The following PRKG1 variants were observed in gnomAD, a reference collection of about 807,000 sequenced individuals.
PRKG1 encodes protein kinase cGMP-dependent 1, also known as cGMP-dependent protein kinase 1.
In PRKG1, 35 loss-of-function variants were observed where a neutral mutation model predicts 88.1. The ratio of observed to expected loss-of-function variants is 0.40; its 90% confidence interval spans 0.30 to 0.53. The LOEUF (loss-of-function observed/expected upper bound fraction) is 0.53. Among genes scored for constraint, PRKG1 ranks in the 20% least tolerant of loss-of-function variants. PRKG1 has a pLI of 0.59. For synonymous variants in PRKG1, 303 were observed against 292.5 expected (o/e 1.04, Z -0.37); for missense variants, 540 against 839.8 (o/e 0.64, Z 4.41).
chr10:52,116,859 G>A (rs904607289), intron 7 of PRKG1, among the ~76,000 whole-genome samples: 1 of 151,570 alleles, frequency 6.6e-6, no homozygotes, highest in African/African-American at 2.4e-5. Flanking sequence ...AAAGAAAACT[G>A]ATAGGCAGAG....
At chr10:51,139,865 A>C (rs1845782073) in intron 1 of PRKG1, among the ~76,000 whole-genome samples, 1 of 152,220 alleles carries the variant, frequency 6.6e-6, no homozygotes, top group Non-Finnish European at 1.5e-5. Flanking sequence ...TATAGATTAT[A>C]CCATGTCACT....
At chr10:52,129,509 T>A (rs939345774) in intron 7 of PRKG1, among the ~76,000 whole-genome samples, 2 of 152,178 alleles carry the variant, frequency 1.3e-5, no homozygotes, top group African/African-American at 4.8e-5. Flanking sequence ...GATAGTATTT[T>A]GTCTCTATCT....
intron 2 of PRKG1, among the ~76,000 whole-genome samples, chr10:51,292,079 T>C (rs1476051421): frequency 3.9e-5 from 6 of 152,192 alleles, no homozygotes; most frequent in Admixed American, 2.0e-4. Context: ...ATAGCAGTTA[T>C]TCAATTCTGT....
chr10:52,212,258 C>T (rs1236858053), intron 9 of PRKG1, among the ~76,000 whole-genome samples: 1 of 152,154 alleles, frequency 6.6e-6, no homozygotes, highest in Non-Finnish European at 1.5e-5. Flanking sequence ...TTTGAGCAAT[C>T]GGCCACCAGT....
intron 9 of PRKG1, among the ~76,000 whole-genome samples, chr10:52,228,203 A>G (rs916823314): frequency 6.6e-6 from 1 of 152,124 alleles, no homozygotes; most frequent in African/African-American, 2.4e-5. Context: ...CATCACCACC[A>G]TAATCATTAT....
intron 1 of PRKG1, among the ~76,000 whole-genome samples, chr10:51,100,732 T>A (rs536319211): frequency 6.6e-6 from 1 of 152,172 alleles, no homozygotes; most frequent in Admixed American, 6.5e-5. Flanking sequence ...GGTGATAGAG[T>A]TGTTACCTGT....
At chr10:51,758,151 T>G (rs887525815) in intron 3 of PRKG1, among the ~76,000 whole-genome samples, 1 of 152,194 alleles carries the variant, frequency 6.6e-6, no homozygotes. Context: ...ATTTAAACTA[T>G]GTGCTTATGT....
chr10:51,408,075 C>A (rs1447293336), intron 2 of PRKG1, among the ~76,000 whole-genome samples: 1 of 152,194 alleles, frequency 6.6e-6, no homozygotes, highest in East Asian at 1.9e-4. Context: ...TAGTGGTTCA[C>A]TAGGGGTGAT....
At position 51,888,293 on chromosome 10, in the gene PRKG1, T is replaced by C. The variant is rs989007547; in HGVS notation, c.699-19214T>C. Among the ~76,000 whole-genome samples the C allele has an allele frequency of 1.1e-3, 164 of 152,228 alleles. 4 individuals carry two copies. Among genetic ancestry groups the C allele is most frequent in the Non-Finnish European group, 2.4e-4 (16 of 68,034 alleles). On this transcript the variant is annotated intron_variant, in intron 4 of 17. Coordinates refer to ENST00000373980, the MANE Select transcript of PRKG1 (RefSeq NM_006258.4). Reference sequence around the variant, plus strand: ...TGCTTTTTGCCAAAGCACTGCTTAGTTGGGTTATGAAAAATCAAAGAGCAT... The same window carrying C: ...TGCTTTTTGCCAAAGCACTGCTTAGCTGGGTTATGAAAAATCAAAGAGCAT...
chr10:51,111,866 C>T (rs1033350201), intron 1 of PRKG1, among the ~76,000 whole-genome samples: 2 of 152,096 alleles, frequency 1.3e-5, no homozygotes, highest in African/African-American at 4.8e-5. Context: ...TCTTTATTTT[C>T]TCCTGATCTA....
intron 4 of PRKG1, among the ~76,000 whole-genome samples, chr10:51,805,378 GC>G (rs1437830578): frequency 6.6e-6 from 1 of 151,746 alleles, no homozygotes; most frequent in African/African-American, 2.4e-5. Context: ...TTCTTTGTCT[GC>G]AAGTTTATTT....
intron 3 of PRKG1, among the ~76,000 whole-genome samples, chr10:51,604,964 C>T (rs1331529784): frequency 6.6e-6 from 1 of 152,312 alleles, no homozygotes; most frequent in South Asian, 2.1e-4. Context: ...AATCAGACCA[C>T]ATATGGGCTG....
chr10:52,224,838 T>TAC lies in PRKG1; in HGVS notation c.1077-26730_1077-26729dup, dbSNP rs1554818889. On this transcript the variant is annotated intron_variant, in intron 9 of 17. Coordinates refer to ENST00000373980, the MANE Select transcript of PRKG1 (RefSeq NM_006258.4). ...ATATATATATATATATATATATATA[T>TAC]ACATACATACATACATATCTCACAG... Among the ~76,000 whole-genome samples, 171 of 135,858 alleles carry TAC rather than the reference T, an allele frequency of 1.3e-3. 5 individuals are homozygous for TAC. Among genetic ancestry groups the TAC allele is most frequent in the African/African-American group, 4.7e-3 (164 of 34,552 alleles). The allele number at this position is 135,858 out of a possible 152,430, so 89.1% of individuals were successfully genotyped here.
chr10:51,468,003 T>A, intron 3 of PRKG1, 167 bp downstream of exon 3: 1 of 605,568 alleles, frequency 1.7e-6, no homozygotes, highest in Non-Finnish European at 2.9e-6. Flanking sequence ...TAAAGGTGAT[T>A]GTTAACAATC....
At chr10:51,647,759 CAT>C (rs1353404528) in intron 3 of PRKG1, among the ~76,000 whole-genome samples, 1 of 152,106 alleles carries the variant, frequency 6.6e-6, no homozygotes, top group Non-Finnish European at 1.5e-5. Flanking sequence ...TAAAAAATAA[CAT>C]ATAACTGCCA....
At chr10:51,008,995 C>A (rs950213339) in intron 1 of PRKG1, among the ~76,000 whole-genome samples, 11 of 152,128 alleles carry the variant, frequency 7.2e-5, no homozygotes, top group Non-Finnish European at 1.5e-4. Context: ...CATGAAATGT[C>A]ACACATCTCT....
At chr10:51,168,286 T>C (rs1846603063) in intron 2 of PRKG1, among the ~76,000 whole-genome samples, 1 of 152,144 alleles carries the variant, frequency 6.6e-6, no homozygotes, top group Admixed American at 6.5e-5. Flanking sequence ...AGCAGCAGAC[T>C]GAATGCAGAA....
intron 2 of PRKG1, among the ~76,000 whole-genome samples, chr10:51,166,881 C>T (rs1291334605): frequency 5.3e-5 from 8 of 152,114 alleles, no homozygotes. Context: ...GTATATTCCT[C>T]AAAGAGAGAT....
chr10:51,457,216 T>C (rs574051058), intron 2 of PRKG1, among the ~76,000 whole-genome samples: 1 of 152,292 alleles, frequency 6.6e-6, no homozygotes, highest in South Asian at 2.1e-4. Flanking sequence ...GAAAATGTAG[T>C]ATATATACAC....
Sources: allele counts gnomAD v4.1 joint callset (sites outside exome capture counted in the v4.1 genomes callset), GRCh38; gene constraint gnomAD v4.1.1; transcripts MANE v1.5; gene names NCBI Gene and HGNC (gene_info 2026-07-23, HGNC 2026-07-21).